The following NDUFAF2 variants were observed in gnomAD, a reference collection of about 807,000 sequenced individuals.
The protein encoded by NDUFAF2 is NADH dehydrogenase [ubiquinone] 1 alpha subcomplex assembly factor 2.
Under a neutral mutation model 22.8 loss-of-function variants are expected in NDUFAF2, and 13 were observed. The observed-to-expected ratio is 0.57, with a 90% CI of 0.37 to 0.91. NDUFAF2 has a LOEUF of 0.91. Ranked by LOEUF, NDUFAF2 falls within the 40% of genes least tolerant of loss-of-function variation. NDUFAF2 has a pLI of 0.01. For synonymous variants in NDUFAF2, 53 were observed against 64.2 expected, an observed-to-expected ratio of 0.83 and a Z score of 0.84; for missense variants, 162 against 195.2, an observed-to-expected ratio of 0.83 and a Z score of 1.01.
At chr5:60,946,772 A>G (rs990663803) in intron 1 of NDUFAF2, among the ~76,000 whole-genome samples, 2 of 152,216 alleles carry the variant, frequency 1.3e-5, no homozygotes, top group African/African-American at 4.8e-5. Context: ...TTCCATCACC[A>G]TCAGAATTTC....
chr5:61,026,440 T>A (rs1751651245), intron 1 of NDUFAF2, among the ~76,000 whole-genome samples: 1 of 152,112 alleles, frequency 6.6e-6, no homozygotes, highest in Non-Finnish European at 1.5e-5. Flanking sequence ...ATGTGTTTAG[T>A]CATTTGTAGA....
At chr5:61,070,012 G>A (rs540951069) in intron 1 of NDUFAF2, among the ~76,000 whole-genome samples, 109 of 151,206 alleles carry the variant, frequency 7.2e-4, no homozygotes, top group Non-Finnish European at 1.4e-3. Flanking sequence ...ATATAATATT[G>A]TTTAGTATTA....
At chr5:61,114,778 C>G (rs572956554) in intron 3 of NDUFAF2, 1 of 151,628 alleles carries the variant, frequency 6.6e-6, no homozygotes, top group Non-Finnish European at 1.5e-5. Flanking sequence ...CCCAGTAATG[C>G]TCTGGTTCTT....
chr5:61,150,930 T>G (rs1206916084), intron 3 of NDUFAF2, among the ~76,000 whole-genome samples: 3 of 152,194 alleles, frequency 2.0e-5, no homozygotes, highest in Non-Finnish European at 2.9e-5. Context: ...ATTTCTCTAC[T>G]CTCACCCTCA....
intron 1 of NDUFAF2, among the ~76,000 whole-genome samples, chr5:61,027,792 T>C (rs1277269431): frequency 6.6e-6 from 1 of 152,014 alleles, no homozygotes; most frequent in Non-Finnish European, 1.5e-5. Flanking sequence ...TTGCTGTCAA[T>C]TTCATCACCC....
Position 61,103,573 on chromosome 5 carries a change from A to G in NDUFAF2, c.258+4541A>G, listed in dbSNP as rs192327281. ...ATTATAACTTATTCATTTGTGTGTC[A>G]TAAGCACCTAACACAGAGCCTGATT... On this transcript the variant is annotated intron_variant, in intron 3 of 3. Transcript: ENST00000296597. Among the ~76,000 whole-genome samples, 52 of 152,208 alleles carry G rather than the reference A, an allele frequency of 3.4e-4. No homozygotes were observed. In the East Asian group the frequency reaches 9.9e-3, roughly 29 times the overall value.
At chr5:61,041,159 A>T (rs1561548926) in intron 1 of NDUFAF2, among the ~76,000 whole-genome samples, 1 of 152,166 alleles carries the variant, frequency 6.6e-6, no homozygotes, top group Non-Finnish European at 1.5e-5. Context: ...AACATCTAAG[A>T]GGATATATAC....
intron 1 of NDUFAF2, among the ~76,000 whole-genome samples, chr5:61,049,886 T>TACACAC (rs70977822): frequency 0.22 from 31,274 of 144,176 alleles, 3,353 homozygotes; most frequent in South Asian, 0.3. Context: ...ATTTAAATTA[T>TACACAC]ACACACACAC....
chr5:61,023,640 A>G (rs182183842), intron 1 of NDUFAF2, among the ~76,000 whole-genome samples: 152 of 152,312 alleles, frequency 1.0e-3, no homozygotes, highest in Admixed American at 2.4e-3. Flanking sequence ...GGAATTATGT[A>G]AATTTAAAAC....
chr5:60,969,433 T>C (rs1435553539), intron 1 of NDUFAF2, among the ~76,000 whole-genome samples: 1 of 152,212 alleles, frequency 6.6e-6, no homozygotes, highest in Non-Finnish European at 1.5e-5. Flanking sequence ...TATCTCATTA[T>C]AGTTTTGATT....
intron 3 of NDUFAF2, among the ~76,000 whole-genome samples, chr5:61,101,139 A>C (rs1183264319): frequency 6.6e-6 from 1 of 152,112 alleles, no homozygotes; most frequent in Non-Finnish European, 1.5e-5. Context: ...AATTTTTCTT[A>C]ATGTAAAGTA....
intron 1 of NDUFAF2, among the ~76,000 whole-genome samples, chr5:61,063,320 A>G (rs1752188991): frequency 6.7e-6 from 1 of 148,200 alleles, no homozygotes; most frequent in Non-Finnish European, 1.5e-5. Context: ...TAATATGGCA[A>G]GATCTTGTAT....
chr5:61,052,590 G>A (rs988196876), intron 1 of NDUFAF2, among the ~76,000 whole-genome samples: 1 of 152,190 alleles, frequency 6.6e-6, no homozygotes, highest in African/African-American at 2.4e-5. Flanking sequence ...GATTATAGGC[G>A]TGAACCACTG....
intron 1 of NDUFAF2, among the ~76,000 whole-genome samples, chr5:61,057,809 A>G (rs2111710024): frequency 6.6e-6 from 1 of 152,296 alleles, no homozygotes; most frequent in Non-Finnish European, 1.5e-5. Flanking sequence ...TGTTAACTTG[A>G]TAACTATCAC....
At chr5:61,122,667 T>G (rs1752990247) in intron 3 of NDUFAF2, among the ~76,000 whole-genome samples, 1 of 152,212 alleles carries the variant, frequency 6.6e-6, no homozygotes, top group Non-Finnish European at 1.5e-5. Context: ...CAGGACAATT[T>G]AATATATTTG....
chr5:61,019,881 T>G (rs1044084439), intron 1 of NDUFAF2, among the ~76,000 whole-genome samples: 3 of 152,128 alleles, frequency 2.0e-5, no homozygotes, highest in African/African-American at 4.8e-5. Context: ...GAACAGATTG[T>G]GTAAAACAGA....
At chr5:61,106,915 T>A (rs948008333) in intron 3 of NDUFAF2, among the ~76,000 whole-genome samples, 5 of 151,306 alleles carry the variant, frequency 3.3e-5, no homozygotes, top group African/African-American at 1.2e-4. Context: ...TATCACATTT[T>A]CTTTATCAGT....
At chr5:61,106,857 A>G (rs544578680) in intron 3 of NDUFAF2, among the ~76,000 whole-genome samples, 1 of 151,298 alleles carries the variant, frequency 6.6e-6, no homozygotes, top group African/African-American at 2.5e-5. Context: ...TGCAAATGGC[A>G]GGATCTCATT....
At chr5:60,984,229 A>T (rs921720884) in intron 1 of NDUFAF2, among the ~76,000 whole-genome samples, 23 of 152,152 alleles carry the variant, frequency 1.5e-4, no homozygotes, top group Non-Finnish European at 3.1e-4. Context: ...AATGCCTGTG[A>T]TTTTTGCCCA....
Sources: gnomAD v4.1 joint callset for allele counts (sites outside exome capture counted in the v4.1 genomes callset) on GRCh38, gnomAD v4.1.1 for gene constraint, MANE v1.5 for transcripts, NCBI Gene and HGNC (gene_info 2026-07-23, HGNC 2026-07-21) for gene names.